Variants in FBXL17 observed in about 807,000 individuals in gnomAD.
The protein encoded by FBXL17 is F-box/LRR-repeat protein 17.
In FBXL17, 22 loss-of-function variants were observed where a neutral mutation model predicts 66.2. The ratio of observed to expected loss-of-function variants is 0.33; its 90% CI spans 0.24 to 0.47. The LOEUF (loss-of-function observed/expected upper bound fraction) is 0.47, where lower values mean the gene tolerates loss of function less well. Among genes scored for constraint, FBXL17 ranks in the 20% least tolerant of loss-of-function variants. FBXL17 has a pLI of 1.00. For synonymous variants in FBXL17, 474 were observed against 400.5 expected (o/e 1.18, Z -2.19); for missense variants, 878 against 948.2 (o/e 0.93, Z 0.97).
intron 4 of FBXL17, among the ~76,000 whole-genome samples, chr5:108,290,619 T>C (rs1758071218): frequency 6.6e-6 from 1 of 152,178 alleles, no homozygotes. Flanking sequence ...TTCTATTCAA[T>C]CACAGAAATT....
intron 6 of FBXL17, among the ~76,000 whole-genome samples, chr5:108,077,194 T>C (rs1351750058): frequency 6.6e-6 from 1 of 152,234 alleles, no homozygotes; most frequent in East Asian, 1.9e-4. Flanking sequence ...CTTACGCATT[T>C]TCCTTATGAA....
chr5:108,349,769 T>C (rs927726709), intron 3 of FBXL17, among the ~76,000 whole-genome samples: 1 of 152,192 alleles, frequency 6.6e-6, no homozygotes, highest in African/African-American at 2.4e-5. Flanking sequence ...CCTCATATAC[T>C]ACTAAATTCC....
rs969982753 is a variant in FBXL17, at chr5:108,184,529, G to A, written c.1745+1588C>T. 2.8e-4 allele frequency among the ~76,000 whole-genome samples: 43 copies of A among 151,838 alleles called. 1 individual carries two copies. Among genetic ancestry groups the A allele is most frequent in the Admixed American group, 1.4e-3 (21 of 15,232 alleles). On this transcript the variant is annotated intron_variant, in intron 6 of 8. Transcript: ENST00000542267. ...TCACCATGTTAGCCAGGATGGTCTG[G>A]ATCTCCTGACCTCGTGATCCGCCCG...
At chr5:108,187,953 G>T (rs938746861) in intron 5 of FBXL17, among the ~76,000 whole-genome samples, 1 of 152,224 alleles carries the variant, frequency 6.6e-6, no homozygotes, top group African/African-American at 2.4e-5. Flanking sequence ...TCTGCTGTCT[G>T]ATATAGTAAT....
intron 6 of FBXL17, among the ~76,000 whole-genome samples, chr5:108,050,037 A>G (rs1747409725): frequency 6.6e-6 from 1 of 152,216 alleles, no homozygotes; most frequent in Non-Finnish European, 1.5e-5. Flanking sequence ...AGAAGAGCTA[A>G]CTATCCTAAA....
intron 6 of FBXL17, among the ~76,000 whole-genome samples, chr5:108,074,476 C>T (rs1430036302): frequency 4.0e-5 from 6 of 151,652 alleles, no homozygotes; most frequent in Middle Eastern, 3.4e-3. Context: ...TTTAAAATTA[C>T]GTGTTTGGTC....
chr5:108,295,757 T>C (rs1279026018), intron 4 of FBXL17, among the ~76,000 whole-genome samples: 1 of 151,910 alleles, frequency 6.6e-6, no homozygotes, highest in African/African-American at 2.4e-5. Flanking sequence ...CTTCACAAAT[T>C]TGGCCTGTGC....
At chr5:108,021,099 A>C in intron 6 of FBXL17, 98 bp from the exon 7 acceptor site, 1 of 789,984 alleles carries the variant, frequency 1.3e-6, no homozygotes. Context: ...TGAATGCCAC[A>C]GCTTCTTTAA....
At chr5:108,283,083 C>T (rs1757763287) in intron 4 of FBXL17, among the ~76,000 whole-genome samples, 2 of 151,716 alleles carry the variant, frequency 1.3e-5, no homozygotes, top group East Asian at 1.9e-4. Flanking sequence ...CTGCCTAAAA[C>T]AATCTATAGT....
chr5:108,184,720 C>G (rs1032473364), intron 6 of FBXL17, among the ~76,000 whole-genome samples: 7 of 135,980 alleles, frequency 5.1e-5, no homozygotes, highest in Non-Finnish European at 9.1e-5. Context: ...TGCACTCCAG[C>G]CCGGGTGCCA....
chr5:108,124,514 T>C (rs286806), intron 6 of FBXL17, among the ~76,000 whole-genome samples: 3,247 of 152,080 alleles, frequency 0.021, 123 homozygotes, highest in African/African-American at 0.073. Context: ...ACAAACATAA[T>C]TACAGGCATT....
intron 5 of FBXL17, among the ~76,000 whole-genome samples, chr5:108,206,909 G>A (rs1754144300): frequency 6.6e-6 from 1 of 151,952 alleles, no homozygotes; most frequent in African/African-American, 2.4e-5. Flanking sequence ...TCATATAGCA[G>A]GTACACATTT....
At chr5:108,123,382 T>C (rs945359025) in intron 6 of FBXL17, among the ~76,000 whole-genome samples, 1 of 152,154 alleles carries the variant, frequency 6.6e-6, no homozygotes, top group Non-Finnish European at 1.5e-5. Flanking sequence ...TGAGAGAAAC[T>C]ACCCAAAGAT....
chr5:107,927,813 C>T (rs1002385112), intron 7 of FBXL17, among the ~76,000 whole-genome samples: 2 of 152,088 alleles, frequency 1.3e-5, no homozygotes, highest in African/African-American at 4.8e-5. Context: ...GACTGGTATT[C>T]TACATGTGTT....
chr5:108,359,176 T>C (rs992675897), intron 3 of FBXL17, among the ~76,000 whole-genome samples: 1 of 152,180 alleles, frequency 6.6e-6, no homozygotes, highest in African/African-American at 2.4e-5. Flanking sequence ...CTTTCATTTA[T>C]GATTTAATAA....
intron 5 of FBXL17, among the ~76,000 whole-genome samples, chr5:108,196,007 C>G (rs919016611): frequency 6.6e-6 from 1 of 152,032 alleles, no homozygotes; most frequent in Non-Finnish European, 1.5e-5. Flanking sequence ...TAGGAGCCAG[C>G]AGCACATAAA....
chr5:107,912,537 G>A (rs976816839), intron 7 of FBXL17, among the ~76,000 whole-genome samples: 3 of 152,070 alleles, frequency 2.0e-5, no homozygotes, highest in African/African-American at 7.2e-5. Flanking sequence ...AGGGAATACT[G>A]TTGAATGAAG....
At chr5:107,982,402 C>A (rs1305905547) in intron 7 of FBXL17, among the ~76,000 whole-genome samples, 2 of 151,950 alleles carry the variant, frequency 1.3e-5, no homozygotes, top group Admixed American at 6.6e-5. Context: ...AGTAACAGAA[C>A]TATGAAGTGA....
chr5:108,374,714 G>A (rs1301911691), intron 1 of FBXL17, among the ~76,000 whole-genome samples: 1 of 151,706 alleles, frequency 6.6e-6, no homozygotes, highest in African/African-American at 2.4e-5. Context: ...AGGGAGGTGA[G>A]GAAAGAGGAG....
Sources: gnomAD v4.1 joint callset for allele counts (sites outside exome capture counted in the v4.1 genomes callset) on GRCh38, gnomAD v4.1.1 for gene constraint, MANE v1.5 for transcripts, NCBI Gene and HGNC (gene_info 2026-07-23, HGNC 2026-07-21) for gene names.